UGGT1: variants seen among roughly 807,000 people sequenced by gnomAD.
UGGT1 encodes the protein UDP-glucose:glycoprotein glucosyltransferase 1.
In UGGT1, 107 loss-of-function variants were observed where a neutral mutation model predicts 203.9. The observed-to-expected ratio is 0.52, with a 90% CI of 0.45 to 0.62. The LOEUF (loss-of-function observed/expected upper bound fraction) is 0.62, where lower values mean the gene tolerates loss of function less well. Among genes scored for constraint, UGGT1 ranks in the 20% least tolerant of loss-of-function variants. The pLI is 0.00. For synonymous variants in UGGT1, 628 were observed against 653.5 expected (o/e 0.96, Z 0.59); for missense variants, 1,673 against 1,867.2 (o/e 0.90, Z 1.92).
chr2:128,097,614 T>C, intron 2 of UGGT1, 50 bp downstream of exon 2: 1 of 1,598,336 alleles, frequency 6.3e-7, no homozygotes, highest in Non-Finnish European at 8.5e-7. Flanking sequence ...AAATATAGGC[T>C]CTGACAGTGA....
intron 28 of UGGT1, 59 bp downstream of exon 28, chr2:128,171,343 A>G (rs1691092935): frequency 6.9e-7 from 1 of 1,455,156 alleles, no homozygotes; most frequent in African/African-American, 1.4e-5. Context: ...AAGTTCTGAT[A>G]TTGCATGTTA....
At chr2:128,189,510 A>G (rs764394711) in intron 40 of UGGT1, among the ~76,000 whole-genome samples, 4 of 152,232 alleles carry the variant, frequency 2.6e-5, no homozygotes, top group African/African-American at 7.2e-5. Flanking sequence ...TGGGGTTTAC[A>G]GATAGTTTCC....
intron 18 of UGGT1, among the ~76,000 whole-genome samples, chr2:128,150,119 A>G (rs1689879287): frequency 6.6e-6 from 1 of 152,164 alleles, no homozygotes; most frequent in African/African-American, 2.4e-5. Context: ...GTACTGGAAA[A>G]TTTGAACTAA....
At chr2:128,170,526 C>G (rs527592016) in intron 27 of UGGT1, 136 bp downstream of exon 27, 2 of 669,532 alleles carry the variant, frequency 3.0e-6, no homozygotes, top group Non-Finnish European at 5.1e-6. Flanking sequence ...TAGGGCAGAG[C>G]AATCTTTACA....
intron 38 of UGGT1, among the ~76,000 whole-genome samples, chr2:128,185,998 T>G (rs1428296623): frequency 1.3e-5 from 2 of 152,136 alleles, no homozygotes; most frequent in African/African-American, 4.8e-5. Flanking sequence ...CAAGGTAGAT[T>G]CAGAACTTCC....
intron 18 of UGGT1, among the ~76,000 whole-genome samples, chr2:128,146,856 A>C (rs1305532646): frequency 6.6e-6 from 1 of 152,230 alleles, no homozygotes; most frequent in Admixed American, 6.5e-5. Flanking sequence ...AAATTTGCAG[A>C]GAACAGGATG....
At chr2:128,186,596 G>A (rs1458571577) in intron 38 of UGGT1, 87 bp from the exon 39 acceptor site, 5 of 1,114,298 alleles carry the variant, frequency 4.5e-6, no homozygotes, top group East Asian at 5.5e-5. Flanking sequence ...GACAGAGTGG[G>A]ACCCCATCTC....
chr2:128,143,059 A>ATT, intron 16 of UGGT1, 35 bp from the exon 17 acceptor site: 1 of 1,544,800 alleles, frequency 6.5e-7, no homozygotes, highest in Non-Finnish European at 8.7e-7. Context: ...TTGAACTTAA[A>ATT]AGTGTAGTTA....
intron 14 of UGGT1, among the ~76,000 whole-genome samples, chr2:128,134,076 G>A (rs1689014640): frequency 6.6e-6 from 1 of 152,164 alleles, no homozygotes; most frequent in East Asian, 1.9e-4. Context: ...TTGCTCTGTT[G>A]CCCAGGCTGG....
intron 16 of UGGT1, among the ~76,000 whole-genome samples, chr2:128,139,282 T>C (rs1167841921): frequency 6.6e-6 from 1 of 152,190 alleles, no homozygotes; most frequent in African/African-American, 2.4e-5. Context: ...GACCAGATCT[T>C]GTTGTGTTGC....
chr2:128,124,493 G>C (rs1422529858), intron 11 of UGGT1, among the ~76,000 whole-genome samples: 2 of 151,830 alleles, frequency 1.3e-5, no homozygotes, highest in African/African-American at 4.8e-5. Flanking sequence ...TAGGTGGTTC[G>C]TGGGCCCTTA....
chr2:128,103,155 G>T (rs1221660089), intron 2 of UGGT1: 2 of 469,436 alleles, frequency 4.3e-6, no homozygotes, highest in Non-Finnish European at 8.8e-6. Context: ...GGTAAGCTGA[G>T]ATCCAGATCT....
At chr2:128,108,191 G>T (rs1360081121) in intron 4 of UGGT1, 123 bp downstream of exon 4, 1 of 1,229,030 alleles carries the variant, frequency 8.1e-7, no homozygotes, top group Non-Finnish European at 1.1e-6. Flanking sequence ...AATTTTCTAG[G>T]ATTTATGATT....
rs142367753 is a variant in UGGT1 at position 128,181,382 on chromosome 2, C to G, written c.4083+310C>G. On this transcript the variant is annotated intron_variant, in intron 36 of 40. Coordinates refer to ENST00000259253, the MANE Select transcript of UGGT1 (RefSeq NM_020120.4). ...CATTTAGCAGTGCTTGCCATCATCT[C>G]TAATTATCTGCCCAAAAGATAGGAG... Among the ~76,000 whole-genome samples, 1,509 of 152,294 alleles carry G rather than the reference C, an allele frequency of 9.9e-3. 13 individuals carry two copies. Among genetic ancestry groups the G allele is most frequent in the Middle Eastern group, 0.044 (13 of 294 alleles).
chr2:128,150,881 C>T (rs1342201028), intron 18 of UGGT1, among the ~76,000 whole-genome samples: 1 of 151,862 alleles, frequency 6.6e-6, no homozygotes, highest in East Asian at 1.9e-4. Flanking sequence ...GATGGAGCCT[C>T]GCTTTGTCAC....
chr2:128,120,315 G>T (rs375538125), intron 8 of UGGT1, 41 bp from the exon 9 acceptor site: 1 of 1,582,854 alleles, frequency 6.3e-7, no homozygotes, highest in African/African-American at 1.4e-5. Context: ...CTCCGGGAAA[G>T]AAAAAATAAT....
intron 33 of UGGT1, 102 bp from the exon 34 acceptor site, chr2:128,178,366 C>A: frequency 9.9e-6 from 10 of 1,010,064 alleles, no homozygotes; most frequent in Non-Finnish European, 1.5e-5. Flanking sequence ...AGCTCACCCG[C>A]TAGGGAAGGA....
chr2:128,174,047 C>G, intron 30 of UGGT1, 108 bp downstream of exon 30: 1 of 1,309,768 alleles, frequency 7.6e-7, no homozygotes, highest in Non-Finnish European at 1.1e-6. Context: ...GATTAAAATT[C>G]ATTATGGGCT....
chr2:128,094,583 G>A (rs375964817), intron 1 of UGGT1, among the ~76,000 whole-genome samples: 1 of 152,064 alleles, frequency 6.6e-6, no homozygotes, highest in African/African-American at 2.4e-5. Context: ...CTGCTAGTAC[G>A]TAGCAAACTC....
Sources: allele counts gnomAD v4.1 joint callset (sites outside exome capture counted in the v4.1 genomes callset), GRCh38; gene constraint gnomAD v4.1.1; transcripts MANE v1.5; gene names NCBI Gene and HGNC (gene_info 2026-07-23, HGNC 2026-07-21).